Variants in TPR observed in about 807,000 individuals in gnomAD.
The protein encoded by TPR is nucleoprotein TPR.
TPR carries 51 observed loss-of-function variants against 316.1 expected under a neutral mutation model. That is an observed-to-expected ratio of 0.16 (90% CI 0.13 to 0.20). The LOEUF is 0.20. Ranked by LOEUF, TPR falls within the 10% of genes least tolerant of loss-of-function variation. The pLI is 1.00. For missense variants in TPR, 2,272 were observed against 2,754.8 expected (o/e 0.82, Z 3.92); for synonymous variants, 981 against 914.7 (o/e 1.07, Z -1.31).
intron 4 of TPR, among the ~76,000 whole-genome samples, chr1:186,364,732 G>A (rs899582948): frequency 1.3e-5 from 2 of 152,168 alleles, no homozygotes; most frequent in Non-Finnish European, 2.9e-5. Flanking sequence ...ATGCTGCTAA[G>A]AAAATCATTG....
rs754444433 is a variant in TPR, at chr1:186,363,417, A to C, written c.456T>G (p.Leu152=). Residue 152 remains leucine (L), a synonymous_variant, in exon 5 of 51, where the codon CTT becomes CTG. Coordinates refer to ENST00000367478, the MANE Select transcript of TPR (RefSeq NM_003292.3). ...TEDVKRLNEK[L]KESNTTKGEL... Reference sequence around the variant, plus strand: ...CACCCTTTGTTGTATTGCTTTCTTTAAGTTTTTCATTCAGACGTTTAACAT... The same window carrying C: ...CACCCTTTGTTGTATTGCTTTCTTTCAGTTTTTCATTCAGACGTTTAACAT... 6 of 1,612,320 alleles carry C rather than the reference A, an allele frequency of 3.7e-6. No homozygotes were observed. The East Asian group carries it at 1.3e-4, about 36-fold the overall frequency.
At chr1:186,364,505 T>C (rs997792556) in intron 4 of TPR, among the ~76,000 whole-genome samples, 2 of 152,348 alleles carry the variant, frequency 1.3e-5, no homozygotes, top group African/African-American at 4.8e-5. Context: ...GCAGCTTTTA[T>C]GGGGTGCAGG....
chr1:186,313,729 C>T lies in TPR; in HGVS notation c.*242G>A. The T allele has an allele frequency of 6.2e-7, 1 of 1,610,524 alleles. No individual in the cohort carries two copies. The highest frequency in any genetic ancestry group is 8.5e-7 in the Non-Finnish European group (1 of 1,176,888). On this transcript the variant is annotated 3_prime_UTR_variant, in exon 51 of 51. Coordinates refer to ENST00000367478, the MANE Select transcript of TPR (RefSeq NM_003292.3). ...CCTAGTAGAACAGCAAGAGCAATTA[C>T]TACTCGTTCTGGGCAGACCTTATCC...
chr1:186,358,431 T>C (rs950629156), intron 13 of TPR, 112 bp downstream of exon 13: 4 of 735,582 alleles, frequency 5.4e-6, no homozygotes, highest in African/African-American at 3.6e-5. Context: ...CTATTCCTAA[T>C]TAATTAGAAT....
At chr1:186,328,264 G>A (rs1322649915) in intron 39 of TPR, among the ~76,000 whole-genome samples, 5 of 151,966 alleles carry the variant, frequency 3.3e-5, no homozygotes, top group Admixed American at 2.0e-4. Flanking sequence ...GCGTGATATC[G>A]CGTATCAGTG....
intron 13 of TPR, 119 bp downstream of exon 13, chr1:186,358,424 T>G (rs1185398484): frequency 1.4e-6 from 1 of 699,666 alleles, no homozygotes; most frequent in Admixed American, 3.4e-5. Context: ...TCGAGTACTA[T>G]TCCTAATTAA....
At chr1:186,349,723 G>T (rs16825224) in intron 21 of TPR, among the ~76,000 whole-genome samples, 1 of 151,434 alleles carries the variant, frequency 6.6e-6, no homozygotes, top group African/African-American at 2.4e-5. Context: ...AGACACAAAG[G>T]CTTCGAACTT....
At chr1:186,351,518 C>A in intron 19 of TPR, 48 bp from the exon 20 acceptor site, 5 of 1,483,106 alleles carry the variant, frequency 3.4e-6, no homozygotes, top group Non-Finnish European at 4.5e-6. Flanking sequence ...AAAGGCAATA[C>A]AAAAAAATAA....
chr1:186,331,608 AC>A, intron 38 of TPR, 27 bp from the exon 39 acceptor site: 1 of 1,524,724 alleles, frequency 6.6e-7, no homozygotes, highest in Non-Finnish European at 9.0e-7. Context: ...TAATATATTA[AC>A]CATATCAGTG....
At position 186,345,630 on chromosome 1, in the gene TPR, T is replaced by G. The variant is rs1288808239; in HGVS notation, c.3163A>C (p.Ser1055Arg). The part of the protein sequence containing the change: ...NEVQEALQRA[S>R]TALSNEQQAR... The stretch of plus-strand genomic sequence containing the variant: ...TGCTGCTCATTACTTAAAGCTGTGC[T>G]TGCTCTCTGAAGAGCTTCTTGTACT... The change falls in exon 24 of 51, where the codon AGC (serine) becomes CGC (arginine). Residue 1055 changes from serine to arginine, a missense_variant. Ser to Arg is a moderately radical substitution (Grantham distance 110). This residue lies in a region of TPR where 757 missense variants were observed against 859.8 expected (regional missense o/e 0.88). Coordinates refer to ENST00000367478, the MANE Select transcript of TPR (RefSeq NM_003292.3). The G allele has an allele frequency of 9.9e-6, 16 of 1,613,560 alleles. No homozygotes were observed. The highest frequency in any genetic ancestry group is 1.4e-5 in the Non-Finnish European group (16 of 1,179,826).
intron 49 of TPR, among the ~76,000 whole-genome samples, chr1:186,315,830 TGC>T (rs1657595436): frequency 2.7e-5 from 4 of 149,546 alleles, no homozygotes; most frequent in African/African-American, 9.9e-5. Flanking sequence ...GCAGACACAC[TGC>T]TGCCTTATGG....
rs1426009479 is a variant in TPR at position 186,367,962 on chromosome 1, C to G, written c.351G>C (p.Lys117Asn). 1 of 1,610,156 alleles carries G rather than the reference C, an allele frequency of 6.2e-7. No individual in the cohort carries two copies. Among genetic ancestry groups the G allele is most frequent in the Non-Finnish European group, 8.5e-7 (1 of 1,179,360 alleles). Residue 117 changes from lysine (K) to asparagine (N), a missense_variant, in exon 4 of 51, where the codon AAG (lysine) becomes AAC (asparagine). Physicochemically the swap from Lys to Asn is moderately conservative, Grantham distance 94 (BLOSUM62 0). Around this residue, in one of 10 missense-constraint regions of TPR, gnomAD observed 549 missense variants for 598.6 expected, o/e 0.92. Transcript: ENST00000367478. ...IAIQSQFTRTKEELEAEKRDL... is the reference protein window; with the variant it reads ...IAIQSQFTRTNEELEAEKRDL... ...CTCTTTTCTCAGCTTCTAATTCTTC[C>G]TTTGTTCTTGTAAATTGGCTCTGTC... is the stretch of plus-strand genomic sequence containing the variant.
chr1:186,373,317 C>T (rs543005494), intron 2 of TPR, 42 bp downstream of exon 2: 430 of 1,436,432 alleles, frequency 3.0e-4, no homozygotes, highest in Non-Finnish European at 3.8e-4. Flanking sequence ...CTGAAGATTT[C>T]GATACTCCGA....
At position 186,332,311 on chromosome 1, in the gene TPR, G is replaced by A. The variant is rs769348367; in HGVS notation, c.5488C>T (p.Arg1830Cys). The change falls in exon 38 of 51, where the codon CGT becomes TGT. Residue 1830 changes from arginine to cysteine, a missense_variant. Physicochemically the swap from Arg to Cys is radical, Grantham distance 180. Around this residue, in one of 10 missense-constraint regions of TPR, gnomAD observed 435 missense variants for 461.1 expected, o/e 0.94. Transcript: ENST00000367478. ...SATPSSSLPK[R>C]TREEEEDSTI... is the part of the protein sequence containing the mutation. The stretch of plus-strand genomic sequence containing the variant: ...CTATCCTCTTCCTCTTCACGTGTAC[G>A]CTTTGGCAAAGAAGAACTGGGGGTA... The A allele has an allele frequency of 6.2e-7, 1 of 1,612,344 alleles. No individual in the cohort carries two copies. The highest frequency in any genetic ancestry group is 8.5e-7 in the Non-Finnish European group (1 of 1,179,212).
At chr1:186,348,449 G>A (rs575018010) in intron 21 of TPR, among the ~76,000 whole-genome samples, 5 of 152,178 alleles carry the variant, frequency 3.3e-5, no homozygotes, top group Non-Finnish European at 7.3e-5. Flanking sequence ...TACATGCAGG[G>A]CTGAACACAG....
In TPR at chr1:186,344,098, C is replaced by T; in HGVS notation, c.3418-8G>A. ...ACATTTGGAAACTTCATCCTGCAAG[C>T]CAAGAGTCTATCAGAATAACAGATT... is the stretch of plus-strand genomic sequence containing the variant. On this transcript the variant is annotated splice_region_variant and splice_polypyrimidine_tract_variant and intron_variant, in intron 25 of 50. Transcript: ENST00000367478. 6.2e-7 allele frequency: 1 copy of T among 1,610,114 alleles called. No individual in the cohort carries two copies. Among genetic ancestry groups the T allele is most frequent in the Non-Finnish European group, 8.5e-7 (1 of 1,178,568 alleles).
intron 43 of TPR, among the ~76,000 whole-genome samples, chr1:186,322,970 C>A (rs1044485438): frequency 2.6e-5 from 4 of 152,076 alleles, no homozygotes; most frequent in Admixed American, 1.3e-4. Context: ...TAAGATAATT[C>A]TAAATGGACA....
At chr1:186,327,697 C>G in intron 39 of TPR, 37 bp from the exon 40 acceptor site, 3 of 1,568,722 alleles carry the variant, frequency 1.9e-6, no homozygotes, top group Non-Finnish European at 2.6e-6. Flanking sequence ...AATTAAGAGC[C>G]CTATAAACAT....
At chr1:186,327,162 TAAC>T (rs1476831973) in intron 40 of TPR, among the ~76,000 whole-genome samples, 19 of 1,900 alleles carry the variant, frequency 0.01, no homozygotes, top group Non-Finnish European at 0.012. Context: ...TATAAATATA[TAAC>T]ATATATATTA....
Sources: allele counts gnomAD v4.1 joint callset (sites outside exome capture counted in the v4.1 genomes callset), GRCh38; gene constraint gnomAD v4.1.1; regional missense constraint gnomAD v4.1.1; transcripts MANE v1.5; gene names NCBI Gene and HGNC (gene_info 2026-07-23, HGNC 2026-07-21).